PAX3: variants seen among roughly 807,000 people sequenced by gnomAD.
The protein encoded by PAX3 is paired box protein Pax-3.
A neutral mutation model predicts 51.6 loss-of-function variants in PAX3; 14 were observed. That is an observed-to-expected ratio of 0.27 (90% CI 0.18 to 0.42). The LOEUF is 0.42. Ranked by LOEUF, PAX3 falls within the 10% of genes least tolerant of loss-of-function variation. The pLI, the probability that PAX3 is intolerant of heterozygous loss-of-function variation, is 1.00. For missense variants in PAX3, 540 were observed against 642.8 expected, an observed-to-expected ratio of 0.84 and a Z score of 1.73; for synonymous variants, 280 against 253.4, an observed-to-expected ratio of 1.11 and a Z score of -1.00.
chr2:222,291,489 A>C (rs2106191717), intron 4 of PAX3, among the ~76,000 whole-genome samples: 1 of 152,294 alleles, frequency 6.6e-6, no homozygotes, highest in East Asian at 1.9e-4. Flanking sequence ...AGTTAAGAGG[A>C]CCATCTGGGA....
rs367600884 is a variant in PAX3, at chr2:222,273,343, C to A, written c.586+20824G>T. On this transcript the variant is annotated intron_variant, in intron 4 of 8. Coordinates refer to ENST00000392070, the MANE Select transcript of PAX3 (RefSeq NM_181458.4). The stretch of plus-strand genomic sequence containing the variant: ...CGGGCTTGTGTGTGTGTGCACACGC[C>A]TGTGTGTCCATGTGTGTTTAAACAC... 5.9e-5 allele frequency among the ~76,000 whole-genome samples: 9 copies of A among 152,256 alleles called. No homozygotes were observed. In the South Asian group the frequency reaches 1.2e-3, roughly 21 times the overall value.
chr2:222,248,691 C>A (rs993742073), intron 4 of PAX3, among the ~76,000 whole-genome samples: 1 of 152,168 alleles, frequency 6.6e-6, no homozygotes, highest in African/African-American at 2.4e-5. Flanking sequence ...TAAGTTTATA[C>A]AGACAAATCT....
intron 4 of PAX3, among the ~76,000 whole-genome samples, chr2:222,281,837 C>T (rs1238175728): frequency 6.6e-6 from 1 of 152,114 alleles, no homozygotes; most frequent in Non-Finnish European, 1.5e-5. Context: ...GTTTCCATCC[C>T]CTGACTGACC....
intron 4 of PAX3, among the ~76,000 whole-genome samples, chr2:222,286,327 A>G (rs1694833040): frequency 6.6e-6 from 1 of 152,264 alleles, no homozygotes; most frequent in Admixed American, 6.5e-5. Flanking sequence ...ATATTCACAT[A>G]CTATTACAGA....
At chr2:222,216,674 AAAC>A (rs1217273688) in intron 7 of PAX3, among the ~76,000 whole-genome samples, 1 of 152,048 alleles carries the variant, frequency 6.6e-6, no homozygotes, top group African/African-American at 2.4e-5. Flanking sequence ...TAGAGACACA[AAAC>A]AAAAACCAAC....
chr2:222,288,047 G>C (rs1052920967), intron 4 of PAX3, among the ~76,000 whole-genome samples: 1 of 152,178 alleles, frequency 6.6e-6, no homozygotes, highest in Non-Finnish European at 1.5e-5. Flanking sequence ...TAAGCACAGA[G>C]ATAGTATTTC....
At chr2:222,235,319 C>T (rs1251823873) in intron 4 of PAX3, among the ~76,000 whole-genome samples, 1 of 152,142 alleles carries the variant, frequency 6.6e-6, no homozygotes, top group East Asian at 1.9e-4. Context: ...ACAGTAGGCA[C>T]TCAATAAGGA....
intron 4 of PAX3, chr2:222,262,619 TACAG>T (rs1245352808): frequency 6.6e-6 from 1 of 151,672 alleles, no homozygotes; most frequent in Admixed American, 6.6e-5. Context: ...TTTTTGTAGA[TACAG>T]ACAAACTAAT....
chr2:222,217,317 T>A (rs1161807425), intron 7 of PAX3, among the ~76,000 whole-genome samples: 3 of 152,176 alleles, frequency 2.0e-5, no homozygotes, highest in African/African-American at 7.2e-5. Context: ...AGAAAAGTTT[T>A]AAAAAACTAG....
chr2:222,260,573 T>TG (rs1693815083), intron 4 of PAX3, among the ~76,000 whole-genome samples: 1 of 77,082 alleles, frequency 1.3e-5, no homozygotes, highest in African/African-American at 4.9e-5. Flanking sequence ...TTGTTTTTTT[T>TG]TTTTGTTTTT....
chr2:222,257,767 C>T (rs1387417864), intron 4 of PAX3, among the ~76,000 whole-genome samples: 1 of 152,346 alleles, frequency 6.6e-6, no homozygotes, highest in East Asian at 1.9e-4. Context: ...GTTGGGGCCT[C>T]CTGAGGCTCA....
At chr2:222,275,795 C>T (rs1694399679) in intron 4 of PAX3, among the ~76,000 whole-genome samples, 2 of 152,162 alleles carry the variant, frequency 1.3e-5, no homozygotes, top group South Asian at 4.1e-4. Flanking sequence ...GAAATGCTCT[C>T]CTGTTTAATC....
At chr2:222,202,223 A>AATGCAGAGAGATCCAGATTGC in intron 7 of PAX3, 33 bp from the exon 8 acceptor site, 1 of 1,448,492 alleles carries the variant, frequency 6.9e-7, no homozygotes, top group Non-Finnish European at 9.5e-7. Context: ...AAGAGGTTAA[A>AATGCAGAGAGATCCAGATTGC]ATGCAGAGAG....
At chr2:222,261,772 A>G (rs1693870653) in intron 4 of PAX3, among the ~76,000 whole-genome samples, 1 of 152,212 alleles carries the variant, frequency 6.6e-6, no homozygotes, top group African/African-American at 2.4e-5. Context: ...GCTTACAACT[A>G]TATAAATTAA....
intron 4 of PAX3, among the ~76,000 whole-genome samples, chr2:222,273,584 A>G (rs988150537): frequency 6.6e-6 from 1 of 152,206 alleles, no homozygotes; most frequent in Admixed American, 6.5e-5. Flanking sequence ...GCTGTGTGTC[A>G]AGTGAACAAA....
At chr2:222,276,334 C>G (rs992036088) in intron 4 of PAX3, among the ~76,000 whole-genome samples, 1 of 152,252 alleles carries the variant, frequency 6.6e-6, no homozygotes, top group African/African-American at 2.4e-5. Flanking sequence ...CACAGAAATG[C>G]TTCTTCCCAG....
At chr2:222,271,848 A>G (rs1333702419) in intron 4 of PAX3, among the ~76,000 whole-genome samples, 1 of 152,214 alleles carries the variant, frequency 6.6e-6, no homozygotes, top group East Asian at 1.9e-4. Context: ...TCTGAAATTC[A>G]GTTCCACATG....
In PAX3 at chr2:222,232,228, T is replaced by C. The variant is rs1434356284; in HGVS notation, c.642A>G (p.Pro214=). 3 of 1,614,020 alleles carry C rather than the reference T, an allele frequency of 1.9e-6. No individual in the cohort carries two copies. Among genetic ancestry groups the C allele is most frequent in the Non-Finnish European group, 2.5e-6 (3 of 1,179,962 alleles). The change falls in exon 5 of 9, where the codon CCA becomes CCG. Residue 214 remains proline (P), a synonymous_variant. Transcript: ENST00000392070. ...GGCTTCTGCGCTGTTTCCTCTTTAGTGGTAAATCTGGTTCAGAGTCAATAT... is the reference window on the plus strand; with the variant it reads ...GGCTTCTGCGCTGTTTCCTCTTTAGCGGTAAATCTGGTTCAGAGTCAATAT... The part of the protein sequence containing the change: ...GSDIDSEPDL[P]LKRKQRRSRT...
intron 4 of PAX3, chr2:222,264,986 G>A (rs577028103): frequency 6.6e-6 from 1 of 152,270 alleles, no homozygotes; most frequent in South Asian, 2.1e-4. Context: ...TTCTCTTCAA[G>A]GAAGCATTTC....
Sources: allele counts gnomAD v4.1 joint callset (sites outside exome capture counted in the v4.1 genomes callset), GRCh38; gene constraint gnomAD v4.1.1; transcripts MANE v1.5; gene names NCBI Gene and HGNC (gene_info 2026-07-23, HGNC 2026-07-21).